Variants in NCK2 observed in about 807,000 individuals in gnomAD.
The protein encoded by NCK2 is NCK adaptor protein 2.
In NCK2, 16 loss-of-function variants were observed where a neutral mutation model predicts 33.9. The observed-to-expected ratio is 0.47, with a 90% CI of 0.32 to 0.72. The LOEUF (loss-of-function observed/expected upper bound fraction) is 0.72. Ranked by LOEUF, NCK2 falls within the 30% of genes least tolerant of loss-of-function variation. The pLI is 0.03. For synonymous variants in NCK2, 273 were observed against 239.9 expected, an observed-to-expected ratio of 1.14 and a Z score of -1.27; for missense variants, 418 against 537.3, an observed-to-expected ratio of 0.78 and a Z score of 2.19.
chr2:105,852,541 C>G (rs1438765819), intron 2 of NCK2, among the ~76,000 whole-genome samples: 1 of 152,146 alleles, frequency 6.6e-6, no homozygotes, highest in Non-Finnish European at 1.5e-5. Context: ...TCCTGCCCAG[C>G]CAGCTCTTTA....
At chr2:105,873,994 C>G (rs1054190414) in intron 3 of NCK2, among the ~76,000 whole-genome samples, 1 of 152,104 alleles carries the variant, frequency 6.6e-6, no homozygotes, top group Non-Finnish European at 1.5e-5. Context: ...CCAGCAAAGG[C>G]GGGGGAAGGC....
At chr2:105,758,907 A>C (rs1162572844) in intron 1 of NCK2, among the ~76,000 whole-genome samples, 1 of 152,230 alleles carries the variant, frequency 6.6e-6, no homozygotes, top group African/African-American at 2.4e-5. Flanking sequence ...TAATGCTAGC[A>C]TTCAAAACTA....
intron 1 of NCK2, among the ~76,000 whole-genome samples, chr2:105,813,884 G>A (rs974537928): frequency 6.6e-6 from 1 of 152,214 alleles, no homozygotes; most frequent in South Asian, 2.1e-4. Context: ...TTGCCTTCCA[G>A]CCCTCCCTCC....
chr2:105,880,936 A>ATTTTTTTTTTTTTTTTTTTTT (rs59005322), intron 3 of NCK2, among the ~76,000 whole-genome samples: 8 of 103,560 alleles, frequency 7.7e-5, no homozygotes, highest in Non-Finnish European at 1.3e-4. Flanking sequence ...CAGGTGGCTA[A>ATTTTTTTTTTTTTTTTTTTTT]TTTTTTTTTT....
chr2:105,837,836 A>C (rs992542890), intron 2 of NCK2, among the ~76,000 whole-genome samples: 4 of 152,108 alleles, frequency 2.6e-5, no homozygotes, highest in African/African-American at 9.7e-5. Flanking sequence ...AATGAACTTG[A>C]GTTATTTTTA....
chr2:105,798,308 A>G lies in NCK2; in HGVS notation c.-200-18122A>G, dbSNP rs117189716. Among the ~76,000 whole-genome samples the G allele has an allele frequency of 4.0e-4, 61 of 152,218 alleles. No homozygotes were observed. The East Asian group carries it at 0.011, about 28-fold the overall frequency. ...CTATCCTGGGAGCCCGGATAGCCTCACTGTGGCCTCTTGTTTGTACATCCA... is the reference window on the plus strand; with the variant it reads ...CTATCCTGGGAGCCCGGATAGCCTCGCTGTGGCCTCTTGTTTGTACATCCA... On this transcript the variant is annotated intron_variant, in intron 1 of 4. Transcript: ENST00000233154.
chr2:105,849,914 C>G (rs1676997149), intron 2 of NCK2, among the ~76,000 whole-genome samples: 1 of 152,134 alleles, frequency 6.6e-6, no homozygotes, highest in South Asian at 2.1e-4. Context: ...CACATCCGGC[C>G]TCAGGACTTT....
intron 1 of NCK2, among the ~76,000 whole-genome samples, chr2:105,787,575 T>C (rs1279729630): frequency 6.6e-6 from 1 of 152,108 alleles, no homozygotes; most frequent in African/African-American, 2.4e-5. Context: ...GAGAAATGAA[T>C]ACCTGCTGTT....
At chr2:105,819,250 G>T (rs1398558863) in intron 2 of NCK2, among the ~76,000 whole-genome samples, 1 of 151,702 alleles carries the variant, frequency 6.6e-6, no homozygotes, top group African/African-American at 2.4e-5. Flanking sequence ...ACACCATCGG[G>T]GTGTTCCTGT....
chr2:105,815,659 T>C (rs1675452337), intron 1 of NCK2, among the ~76,000 whole-genome samples: 1 of 152,186 alleles, frequency 6.6e-6, no homozygotes, highest in African/African-American at 2.4e-5. Flanking sequence ...AACTTCCTTC[T>C]AGTTTTGGAG....
chr2:105,871,205 G>A (rs539031993), intron 3 of NCK2, among the ~76,000 whole-genome samples: 1 of 152,182 alleles, frequency 6.6e-6, no homozygotes, highest in South Asian at 2.1e-4. Flanking sequence ...GACTTTGTTT[G>A]TCCTTCCCAA....
intron 1 of NCK2, among the ~76,000 whole-genome samples, chr2:105,769,037 C>G (rs946995024): frequency 6.6e-6 from 1 of 152,126 alleles, no homozygotes; most frequent in African/African-American, 2.4e-5. Context: ...TTTTGTCTTT[C>G]TGGCAATGAC....
At chr2:105,839,693 G>A (rs376855136) in intron 2 of NCK2, among the ~76,000 whole-genome samples, 6 of 152,200 alleles carry the variant, frequency 3.9e-5, no homozygotes, top group African/African-American at 1.2e-4. Context: ...TGTTCACCAG[G>A]TAGCTGGGTG....
chr2:105,843,990 G>C (rs920530888), intron 2 of NCK2, among the ~76,000 whole-genome samples: 3 of 152,190 alleles, frequency 2.0e-5, no homozygotes, highest in African/African-American at 7.2e-5. Context: ...GCAGTCCTAA[G>C]CCATGTTGAC....
intron 1 of NCK2, among the ~76,000 whole-genome samples, chr2:105,773,662 T>C (rs894756784): frequency 6.6e-6 from 1 of 152,136 alleles, no homozygotes; most frequent in African/African-American, 2.4e-5. Context: ...GGATATTTTT[T>C]CTTTGGAAGA....
intron 3 of NCK2, among the ~76,000 whole-genome samples, chr2:105,858,558 G>A (rs1056734949): frequency 6.6e-6 from 1 of 152,210 alleles, no homozygotes; most frequent in Middle Eastern, 3.4e-3. Flanking sequence ...ATAAATCCAT[G>A]GTAAGATTCC....
At chr2:105,892,317 T>C (rs1679021766) in intron 4 of NCK2, among the ~76,000 whole-genome samples, 1 of 152,192 alleles carries the variant, frequency 6.6e-6, no homozygotes, top group South Asian at 2.1e-4. Context: ...CAAAAAATAG[T>C]TTGGGAAATG....
chr2:105,786,050 A>C (rs1481617427), intron 1 of NCK2, among the ~76,000 whole-genome samples: 1 of 152,014 alleles, frequency 6.6e-6, no homozygotes, highest in Non-Finnish European at 1.5e-5. Flanking sequence ...CTTCTGCCTT[A>C]TTTGCCTTAT....
chr2:105,799,489 C>G (rs1310579291), intron 1 of NCK2, among the ~76,000 whole-genome samples: 3 of 152,056 alleles, frequency 2.0e-5, no homozygotes, highest in Non-Finnish European at 4.4e-5. Flanking sequence ...TGAGATAGTG[C>G]CTTTATCATA....
Sources: gnomAD v4.1 joint callset for allele counts (sites outside exome capture counted in the v4.1 genomes callset) on GRCh38, gnomAD v4.1.1 for gene constraint, MANE v1.5 for transcripts, NCBI Gene and HGNC (gene_info 2026-07-23, HGNC 2026-07-21) for gene names.